MBD5: variants seen among roughly 807,000 people sequenced by gnomAD.
MBD5 encodes the protein methyl-CpG-binding domain protein 5.
Under a neutral mutation model 117.3 loss-of-function variants are expected in MBD5, and 13 were observed. The ratio of observed to expected loss-of-function variants is 0.11; its 90% CI spans 0.07 to 0.18. The LOEUF (loss-of-function observed/expected upper bound fraction) is 0.18. Among genes scored for constraint, MBD5 ranks in the 10% least tolerant of loss-of-function variants. MBD5 has a pLI of 1.00. For synonymous variants in MBD5, 727 were observed against 766.4 expected (o/e 0.95, Z 0.85); for missense variants, 1,879 against 2,093.8 (o/e 0.90, Z 2.00).
chr2:148,178,544 TG>T (rs1290324805), intron 1 of MBD5, among the ~76,000 whole-genome samples, 155 bp from the exon 2 acceptor site: 1 of 152,240 alleles, frequency 6.6e-6, no homozygotes, highest in Non-Finnish European at 1.5e-5. Context: ...ATGTTATTGC[TG>T]TTTGTTTACA....
chr2:148,414,882 A>T (rs189699980), intron 4 of MBD5, among the ~76,000 whole-genome samples: 1 of 152,208 alleles, frequency 6.6e-6, no homozygotes, highest in Admixed American at 6.5e-5. Flanking sequence ...TCTCTTGAAG[A>T]CAGCATACTT....
intron 4 of MBD5, among the ~76,000 whole-genome samples, chr2:148,449,940 T>A (rs1376606030): frequency 1.3e-5 from 2 of 152,056 alleles, no homozygotes. Context: ...TGAGAAAGTA[T>A]GTTTTTATAC....
chr2:148,386,714 G>A (rs1405358918), intron 4 of MBD5, among the ~76,000 whole-genome samples: 47 of 71,252 alleles, frequency 6.6e-4, no homozygotes, highest in African/African-American at 2.2e-3. Context: ...GCGAGACTCC[G>A]TCTCAAAAAA....
At chr2:148,424,645 C>T (rs1705719320) in intron 4 of MBD5, among the ~76,000 whole-genome samples, 1 of 152,138 alleles carries the variant, frequency 6.6e-6, no homozygotes, top group Non-Finnish European at 1.5e-5. Flanking sequence ...TAAAACACTC[C>T]TCAGCAAATG....
chr2:148,490,434 A>T lies in MBD5; in HGVS notation c.4802A>T (p.Asp1601Val). 6.2e-7 allele frequency: 1 copy of T among 1,613,920 alleles called. No individual in the cohort carries two copies. Among genetic ancestry groups the T allele is most frequent in the Non-Finnish European group, 8.5e-7 (1 of 1,179,986 alleles). Reference sequence around the variant, plus strand: ...AGTGAAGATGACCTAAGGAACCCAGACTCCCCCTCTTCAAATGAATTGATA... The same window carrying T: ...AGTGAAGATGACCTAAGGAACCCAGTCTCCCCCTCTTCAAATGAATTGATA... ...ISSEDDLRNP[D>V]SPSSNELIHY... is the part of the protein sequence containing the mutation. The change falls in exon 11 of 14, where the codon GAC becomes GTC. Residue 1601 changes from aspartate (D) to valine (V), a missense_variant. Physicochemically the swap from Asp to Val is radical, Grantham distance 152 (BLOSUM62 -3). Coordinates refer to ENST00000642680, the MANE Select transcript of MBD5 (RefSeq NM_001378120.1).
chr2:148,457,303 C>T (rs1022841089), intron 4 of MBD5, among the ~76,000 whole-genome samples: 21 of 152,066 alleles, frequency 1.4e-4, no homozygotes, highest in African/African-American at 3.9e-4. Flanking sequence ...TTGTTTTTTA[C>T]GCATTCTTTA....
At chr2:148,209,911 A>G (rs1699378595) in intron 2 of MBD5, among the ~76,000 whole-genome samples, 1 of 152,152 alleles carries the variant, frequency 6.6e-6, no homozygotes, top group Non-Finnish European at 1.5e-5. Context: ...CCCATGATCC[A>G]AACACCTTCC....
At chr2:148,102,301 A>T (rs1010566764) in intron 1 of MBD5, among the ~76,000 whole-genome samples, 4 of 152,224 alleles carry the variant, frequency 2.6e-5, no homozygotes, top group Non-Finnish European at 4.4e-5. Flanking sequence ...TTTCAAAAAA[A>T]TCAAAAAACA....
chr2:148,465,851 C>T (rs191101690), intron 7 of MBD5, among the ~76,000 whole-genome samples: 31 of 152,242 alleles, frequency 2.0e-4, no homozygotes, highest in Non-Finnish European at 4.0e-4. Flanking sequence ...ATATTCTTAC[C>T]TGTGCTTGCT....
chr2:148,086,408 A>AT (rs1164406904), intron 1 of MBD5, among the ~76,000 whole-genome samples: 4 of 151,920 alleles, frequency 2.6e-5, no homozygotes, highest in South Asian at 4.1e-4. Context: ...TTCTCATAGA[A>AT]TTTTTTTTAC....
At chr2:148,347,855 G>A (rs1225276837) in intron 4 of MBD5, among the ~76,000 whole-genome samples, 2 of 151,596 alleles carry the variant, frequency 1.3e-5, no homozygotes, top group Non-Finnish European at 2.9e-5. Flanking sequence ...AAGTACCTAG[G>A]GCCCATAAAA....
At chr2:148,177,244 A>C (rs556614612) in intron 1 of MBD5, among the ~76,000 whole-genome samples, 33 of 152,326 alleles carry the variant, frequency 2.2e-4, no homozygotes, top group Non-Finnish European at 3.7e-4. Context: ...GTCAGTGTTC[A>C]TATGTGTGCT....
At chr2:148,508,705 T>TC (rs1159206412) in intron 12 of MBD5, among the ~76,000 whole-genome samples, 1 of 152,186 alleles carries the variant, frequency 6.6e-6, no homozygotes, top group Non-Finnish European at 1.5e-5. Context: ...GATGCCATAT[T>TC]CCCCTTATAA....
intron 4 of MBD5, among the ~76,000 whole-genome samples, chr2:148,391,139 G>A (rs189162104): frequency 9.5e-4 from 144 of 152,236 alleles, no homozygotes; most frequent in African/African-American, 3.4e-3. Context: ...GATGAGACAA[G>A]AGAAGAAAAT....
intron 3 of MBD5, among the ~76,000 whole-genome samples, chr2:148,267,952 CTTT>C (rs764230358): frequency 2.4e-5 from 3 of 127,262 alleles, no homozygotes; most frequent in Admixed American, 8.1e-5. Context: ...TCTTTTTTTT[CTTT>C]TTTTTTTTTT....
chr2:148,346,756 CT>C (rs1203846818), intron 4 of MBD5: 10 of 151,386 alleles, frequency 6.6e-5, no homozygotes, highest in Admixed American at 6.6e-4. Context: ...ATTATGTCTT[CT>C]TTTTTATTTT....
chr2:148,362,010 C>T (rs934416797), intron 4 of MBD5, among the ~76,000 whole-genome samples: 23 of 152,300 alleles, frequency 1.5e-4, no homozygotes, highest in South Asian at 4.2e-4. Flanking sequence ...GAGATTCCCT[C>T]GGGTGCCTAC....
intron 1 of MBD5, among the ~76,000 whole-genome samples, chr2:148,119,792 C>CA (rs1206350120): frequency 6.6e-6 from 1 of 152,058 alleles, no homozygotes; most frequent in Non-Finnish European, 1.5e-5. Context: ...TACCCTTGTC[C>CA]AAAAACAGTT....
At chr2:148,401,811 A>G (rs2105093165) in intron 4 of MBD5, among the ~76,000 whole-genome samples, 1 of 152,166 alleles carries the variant, frequency 6.6e-6, no homozygotes, top group East Asian at 1.9e-4. Flanking sequence ...CCAATCCAGG[A>G]TCCCACGTTA....
Sources: allele counts gnomAD v4.1 joint callset (sites outside exome capture counted in the v4.1 genomes callset), GRCh38; gene constraint gnomAD v4.1.1; transcripts MANE v1.5; gene names NCBI Gene and HGNC (gene_info 2026-07-23, HGNC 2026-07-21).